The following KHDRBS2 variants were observed in gnomAD, a reference collection of about 807,000 sequenced individuals.
KHDRBS2 encodes KH RNA binding domain containing, signal transduction associated 2.
KHDRBS2 carries 26 observed loss-of-function variants against 44.3 expected under a neutral mutation model. The observed-to-expected ratio is 0.59, with a 90% CI of 0.43 to 0.81. The LOEUF (loss-of-function observed/expected upper bound fraction) is 0.81. Among genes scored for constraint, KHDRBS2 ranks in the 40% least tolerant of loss-of-function variants. The pLI, the probability that KHDRBS2 is intolerant of heterozygous loss-of-function variation, is 0.00. For synonymous variants in KHDRBS2, 194 were observed against 151.1 expected (o/e 1.28, Z -2.08); for missense variants, 476 against 433.1 (o/e 1.10, Z -0.88).
intron 4 of KHDRBS2, among the ~76,000 whole-genome samples, chr6:61,967,380 GCT>G (rs1770229346): frequency 1.3e-5 from 2 of 151,340 alleles, no homozygotes; most frequent in Non-Finnish European, 2.9e-5. Context: ...CATTTTACAA[GCT>G]GTATGCTGTG....
intron 6 of KHDRBS2, among the ~76,000 whole-genome samples, chr6:61,745,166 G>C (rs193012591): frequency 6.6e-6 from 1 of 152,052 alleles, no homozygotes; most frequent in Admixed American, 6.5e-5. Context: ...CGCTTGGTGG[G>C]GACAAAAGAA....
intron 2 of KHDRBS2, among the ~76,000 whole-genome samples, chr6:62,094,935 C>G (rs1203076628): frequency 6.6e-6 from 1 of 151,812 alleles, no homozygotes; most frequent in African/African-American, 2.4e-5. Flanking sequence ...TGTTTTTATG[C>G]CAGTACCTGC....
intron 2 of KHDRBS2, among the ~76,000 whole-genome samples, chr6:62,135,184 T>C (rs1259241522): frequency 2.0e-5 from 3 of 152,294 alleles, no homozygotes; most frequent in South Asian, 2.1e-4. Context: ...AATTGAATCA[T>C]GGGGGCAATT....
At chr6:61,811,990 T>C (rs1485502522) in intron 6 of KHDRBS2, among the ~76,000 whole-genome samples, 5 of 152,118 alleles carry the variant, frequency 3.3e-5, no homozygotes, top group African/African-American at 4.8e-5. Flanking sequence ...TTATCTTCTT[T>C]AATTATTATT....
intron 3 of KHDRBS2, among the ~76,000 whole-genome samples, chr6:62,039,847 A>G (rs949547573): frequency 6.6e-6 from 1 of 152,104 alleles, no homozygotes; most frequent in African/African-American, 2.4e-5. Context: ...TAGCATCCCT[A>G]GTAAAATGCT....
intron 2 of KHDRBS2, among the ~76,000 whole-genome samples, chr6:62,107,314 G>C (rs923674406): frequency 7.9e-5 from 12 of 152,096 alleles, no homozygotes; most frequent in African/African-American, 1.2e-4. Flanking sequence ...CAAACAGAGA[G>C]CCAAATCATG....
intron 2 of KHDRBS2, among the ~76,000 whole-genome samples, chr6:62,085,751 A>T (rs181736630): frequency 2.3e-4 from 35 of 152,178 alleles, no homozygotes; most frequent in Middle Eastern, 3.4e-3. Flanking sequence ...TTAAGGTTAG[A>T]GTTAGGGTTA....
chr6:61,616,404 G>C, the KHDRBS2 span, among the ~76,000 whole-genome samples: 1 of 151,242 alleles, frequency 6.6e-6, no homozygotes, highest in Non-Finnish European at 1.5e-5. Flanking sequence ...AATGAAATGG[G>C]ATGACCCTAT....
chr6:61,591,461 T>A, the KHDRBS2 span, among the ~76,000 whole-genome samples: 1 of 152,118 alleles, frequency 6.6e-6, no homozygotes, highest in East Asian at 1.9e-4. Flanking sequence ...CAAAACATGA[T>A]CTGAATACTT....
chr6:61,542,817 A>G, the KHDRBS2 span, among the ~76,000 whole-genome samples: 1 of 152,164 alleles, frequency 6.6e-6, no homozygotes, highest in South Asian at 2.1e-4. Flanking sequence ...GACAATCTGC[A>G]AAACTCACAG....
At chr6:61,651,553 G>A in the KHDRBS2 span, among the ~76,000 whole-genome samples, 5 of 152,010 alleles carry the variant, frequency 3.3e-5, no homozygotes, top group Non-Finnish European at 7.4e-5. Context: ...TTGGACTTTG[G>A]ATTAGGTCTG....
At chr6:62,238,835 C>T (rs1449552995) in intron 1 of KHDRBS2, among the ~76,000 whole-genome samples, 1 of 151,980 alleles carries the variant, frequency 6.6e-6, no homozygotes, top group Non-Finnish European at 1.5e-5. Context: ...AGTTAACAAA[C>T]TTAGCTGGAG....
At chr6:62,179,720 T>C (rs1821870506) in intron 1 of KHDRBS2, among the ~76,000 whole-genome samples, 1 of 151,830 alleles carries the variant, frequency 6.6e-6, no homozygotes, top group African/African-American at 2.4e-5. Context: ...ACAAAACTAC[T>C]ACCTTAGGCT....
intron 5 of KHDRBS2, among the ~76,000 whole-genome samples, chr6:61,897,684 C>T (rs1043725885): frequency 2.0e-5 from 3 of 151,480 alleles, no homozygotes; most frequent in Non-Finnish European, 4.4e-5. Flanking sequence ...ATTGGCTCCC[C>T]TGCCATAAGA....
intron 1 of KHDRBS2, among the ~76,000 whole-genome samples, chr6:62,258,699 C>T (rs1437513671): frequency 6.6e-6 from 1 of 151,808 alleles, no homozygotes; most frequent in Non-Finnish European, 1.5e-5. Context: ...GAGTTTTAGC[C>T]CTAAGATATC....
Position 61,876,186 on chromosome 6 carries a change from A to C in KHDRBS2, c.810+18449T>G, listed in dbSNP as rs185829922. On this transcript the variant is annotated intron_variant, in intron 6 of 8. Coordinates refer to ENST00000281156, the MANE Select transcript of KHDRBS2 (RefSeq NM_152688.4). ...CCCTCTATGCCTTACTGATTGCTGAAGTCTCTAAGTGGCCTTAATGTCAAA... is the reference window on the plus strand; with the variant it reads ...CCCTCTATGCCTTACTGATTGCTGACGTCTCTAAGTGGCCTTAATGTCAAA... Among the ~76,000 whole-genome samples, 680 of 152,098 alleles carry C rather than the reference A, an allele frequency of 4.5e-3. 8 individuals carry two copies. The highest frequency in any genetic ancestry group is 0.015 in the African/African-American group (642 of 41,526).
chr6:62,223,219 CA>C, intron 1 of KHDRBS2, among the ~76,000 whole-genome samples: 1 of 152,224 alleles, frequency 6.6e-6, no homozygotes, highest in East Asian at 1.9e-4. Context: ...GACTTCTGTG[CA>C]CTCGCAGGCT....
intron 1 of KHDRBS2, among the ~76,000 whole-genome samples, chr6:62,183,208 CTCA>C (rs1233611403): frequency 6.6e-6 from 1 of 151,658 alleles, no homozygotes; most frequent in Non-Finnish European, 1.5e-5. Context: ...ATTGTTGAGG[CTCA>C]TATTTTTAAA....
chr6:61,982,633 T>C (rs1051879603), intron 3 of KHDRBS2, among the ~76,000 whole-genome samples: 3 of 147,278 alleles, frequency 2.0e-5, no homozygotes, highest in African/African-American at 7.6e-5. Context: ...ATGGTGCCAC[T>C]GCACTCCAGC....
Sources: allele counts gnomAD v4.1 joint callset (sites outside exome capture counted in the v4.1 genomes callset), GRCh38; gene constraint gnomAD v4.1.1; transcripts MANE v1.5; gene names NCBI Gene and HGNC (gene_info 2026-07-23, HGNC 2026-07-21).